Variants in NMNAT2 observed in about 807,000 individuals in gnomAD.
NMNAT2 encodes nicotinamide/nicotinic acid mononucleotide adenylyltransferase 2.
A neutral mutation model predicts 41.6 loss-of-function variants in NMNAT2; 11 were observed. That is an observed-to-expected ratio of 0.26 (90% confidence interval 0.17 to 0.44). The LOEUF is 0.44. Among genes scored for constraint, NMNAT2 ranks in the 20% least tolerant of loss-of-function variants. The probability of loss-of-function intolerance (pLI) is 1.00; values close to 1 mark genes in which losing one functional copy is unlikely to be tolerated. For synonymous variants in NMNAT2, 148 were observed against 151.2 expected (o/e 0.98, Z 0.16); for missense variants, 288 against 407.7 (o/e 0.71, Z 2.53).
chr1:183,301,818 T>A (rs1210796034), intron 1 of NMNAT2, among the ~76,000 whole-genome samples: 3 of 152,250 alleles, frequency 2.0e-5, no homozygotes, highest in African/African-American at 7.2e-5. Flanking sequence ...GGCTGACATG[T>A]GTAATCTACT....
intron 1 of NMNAT2, among the ~76,000 whole-genome samples, chr1:183,306,011 C>T (rs1443224646): frequency 6.6e-6 from 1 of 152,114 alleles, no homozygotes; most frequent in Non-Finnish European, 1.5e-5. Context: ...TGTGAGCCAC[C>T]GCGCCCGGCC....
intron 1 of NMNAT2, among the ~76,000 whole-genome samples, chr1:183,310,331 TACA>T (rs759200843): frequency 2.0e-5 from 3 of 152,274 alleles, no homozygotes; most frequent in Non-Finnish European, 2.9e-5. Context: ...AAATGCAGAG[TACA>T]ACATCATTCT....
intron 1 of NMNAT2, among the ~76,000 whole-genome samples, chr1:183,364,785 A>C (rs1663381874): frequency 6.6e-6 from 1 of 151,932 alleles, no homozygotes; most frequent in Non-Finnish European, 1.5e-5. Context: ...TCCACTTCCC[A>C]GGTTCAAGCG....
At chr1:183,414,332 C>T (rs1396339594) in intron 1 of NMNAT2, among the ~76,000 whole-genome samples, 1 of 152,148 alleles carries the variant, frequency 6.6e-6, no homozygotes, top group East Asian at 1.9e-4. Flanking sequence ...TTCCCCAATT[C>T]CTCTGTTTTT....
At chr1:183,418,101 C>G (rs949084671) in intron 1 of NMNAT2, 82 bp downstream of exon 1, 129 of 1,333,198 alleles carry the variant, frequency 9.7e-5, no homozygotes, top group Non-Finnish European at 1.2e-4. Flanking sequence ...CACGCCTTCC[C>G]GTTCGATCGC....
At chr1:183,274,162 T>C (rs1210535193) in intron 8 of NMNAT2, among the ~76,000 whole-genome samples, 2 of 151,638 alleles carry the variant, frequency 1.3e-5, no homozygotes, top group African/African-American at 2.4e-5. Flanking sequence ...ATCCACCCAC[T>C]TCAGACTCCC....
At chr1:183,337,570 A>AAAC (rs35369375) in intron 1 of NMNAT2, among the ~76,000 whole-genome samples, 1 of 24,880 alleles carries the variant, frequency 4.0e-5, no homozygotes, top group Non-Finnish European at 1.0e-4. Context: ...TCTCCACAGC[A>AAAC]AAAAAAAAAA....
intron 1 of NMNAT2, among the ~76,000 whole-genome samples, chr1:183,396,490 G>A (rs1648654250): frequency 6.6e-6 from 1 of 152,078 alleles, no homozygotes; most frequent in South Asian, 2.1e-4. Context: ...GAGTTTAACT[G>A]GTATATGACC....
intron 1 of NMNAT2, among the ~76,000 whole-genome samples, chr1:183,326,795 A>G (rs4549998): frequency 0.45 from 68,110 of 151,974 alleles, 16,282 homozygotes; most frequent in East Asian, 0.79. Context: ...AGAAAGATGG[A>G]AAGAAGAGGA....
chr1:183,297,901 T>C (rs1030384100), intron 1 of NMNAT2, among the ~76,000 whole-genome samples: 4 of 152,346 alleles, frequency 2.6e-5, no homozygotes, highest in Non-Finnish European at 5.9e-5. Flanking sequence ...GGCTGTTTTT[T>C]CAGTATTTGA....
At chr1:183,270,674 G>A (rs1179612984) in intron 8 of NMNAT2, among the ~76,000 whole-genome samples, 1 of 152,214 alleles carries the variant, frequency 6.6e-6, no homozygotes, top group East Asian at 1.9e-4. Flanking sequence ...CAAACCAACA[G>A]TGCCTTTCAC....
At chr1:183,253,903 C>CTGTG (rs1660452984) in intron 10 of NMNAT2, among the ~76,000 whole-genome samples, 1 of 129,316 alleles carries the variant, frequency 7.7e-6, no homozygotes, top group African/African-American at 3.0e-5. Context: ...TGTTCCACTT[C>CTGTG]CGTGTGTGTG....
Position 183,389,829 on chromosome 1 carries a change from AAAGAAAGAAAGAAAGG to A in NMNAT2, c.85+28338_85+28353del, listed in dbSNP as rs1557897766. ...GAAAGAAAGAAAGAAAGAAAGAAAG[AAAGAAAGAAAGAAAGG>A]AAAAAAGAGAAAGAAAGAAAGAAAG... is the stretch of plus-strand genomic sequence containing the variant. On this transcript the variant is annotated intron_variant, in intron 1 of 10. Transcript: ENST00000287713. Among the ~76,000 whole-genome samples, 26 of 62,740 alleles carry A rather than the reference AAAGAAAGAAAGAAAGG, an allele frequency of 4.1e-4. 2 individuals carry two copies. Among genetic ancestry groups the A allele is most frequent in the African/African-American group, 1.2e-3 (23 of 19,890 alleles). The allele number at this position is 62,740 out of a possible 152,430, so 41.2% of individuals were successfully genotyped here.
chr1:183,392,669 C>G (rs1410307772), intron 1 of NMNAT2, among the ~76,000 whole-genome samples: 1 of 152,196 alleles, frequency 6.6e-6, no homozygotes, highest in Admixed American at 6.5e-5. Flanking sequence ...AACATACTAG[C>G]CTTGTTGGCT....
At chr1:183,296,141 C>T (rs564825863) in intron 1 of NMNAT2, among the ~76,000 whole-genome samples, 2 of 152,166 alleles carry the variant, frequency 1.3e-5, no homozygotes, top group African/African-American at 4.8e-5. Context: ...TGAGCCACCG[C>T]GCCCGGCCGG....
chr1:183,414,107 A>T (rs561212376), intron 1 of NMNAT2, among the ~76,000 whole-genome samples: 103 of 152,208 alleles, frequency 6.8e-4, no homozygotes, highest in African/African-American at 2.4e-3. Flanking sequence ...GACTTTGGTA[A>T]TTTTTGGAGA....
intron 8 of NMNAT2, among the ~76,000 whole-genome samples, chr1:183,273,997 C>G (rs1419938787): frequency 6.6e-6 from 1 of 151,890 alleles, no homozygotes; most frequent in Non-Finnish European, 1.5e-5. Flanking sequence ...ACTGCAACCT[C>G]TATCTCCTGG....
At chr1:183,397,445 C>A (rs1481326296) in intron 1 of NMNAT2, among the ~76,000 whole-genome samples, 1 of 152,068 alleles carries the variant, frequency 6.6e-6, no homozygotes, top group Non-Finnish European at 1.5e-5. Context: ...GACTGGTGTG[C>A]CTAAAAGTGA....
chr1:183,408,398 A>G (rs559164210), intron 1 of NMNAT2, among the ~76,000 whole-genome samples: 1 of 152,352 alleles, frequency 6.6e-6, no homozygotes, highest in South Asian at 2.1e-4. Flanking sequence ...ATCACAAAAT[A>G]TTATTGTTAT....
Sources: gnomAD v4.1 joint callset for allele counts (sites outside exome capture counted in the v4.1 genomes callset) on GRCh38, gnomAD v4.1.1 for gene constraint, MANE v1.5 for transcripts, NCBI Gene and HGNC (gene_info 2026-07-23, HGNC 2026-07-21) for gene names.